Variants in KCNQ5 observed in about 807,000 individuals in gnomAD.
KCNQ5 encodes potassium voltage-gated channel subfamily Q member 5.
In KCNQ5, 30 loss-of-function variants were observed where a neutral mutation model predicts 98.2. The observed-to-expected ratio is 0.31, with a 90% confidence interval of 0.23 to 0.41. KCNQ5 has a LOEUF of 0.41. Among genes scored for constraint, KCNQ5 ranks in the 10% least tolerant of loss-of-function variants. The pLI, the probability that KCNQ5 is intolerant of heterozygous loss-of-function variation, is 1.00. For missense variants in KCNQ5, 835 were observed against 1,182.5 expected (o/e 0.71, Z 4.31); for synonymous variants, 458 against 449.4 (o/e 1.02, Z -0.24).
intron 1 of KCNQ5, among the ~76,000 whole-genome samples, chr6:72,875,694 T>G (rs1020930661): frequency 6.6e-6 from 1 of 152,180 alleles, no homozygotes; most frequent in Non-Finnish European, 1.5e-5. Flanking sequence ...ATTTCACTAT[T>G]TCTATTGGTC....
chr6:72,798,128 A>G (rs1774438417), intron 1 of KCNQ5, among the ~76,000 whole-genome samples: 1 of 152,224 alleles, frequency 6.6e-6, no homozygotes, highest in South Asian at 2.1e-4. Context: ...GAACACAGTC[A>G]CTATGAGATT....
chr6:73,167,427 C>A (rs1051973620), intron 10 of KCNQ5, among the ~76,000 whole-genome samples: 1 of 152,190 alleles, frequency 6.6e-6, no homozygotes, highest in African/African-American at 2.4e-5. Context: ...TTTGGAGCCT[C>A]AGGGAACTGG....
intron 2 of KCNQ5, among the ~76,000 whole-genome samples, chr6:73,040,114 G>T (rs1421480879): frequency 6.6e-6 from 1 of 152,142 alleles, no homozygotes; most frequent in African/African-American, 2.4e-5. Flanking sequence ...TACTGCAGCA[G>T]AGGAATAGTG....
At chr6:73,036,338 A>C (rs1233715414) in intron 2 of KCNQ5, among the ~76,000 whole-genome samples, 12 of 147,256 alleles carry the variant, frequency 8.1e-5, no homozygotes, top group African/African-American at 3.1e-4. Flanking sequence ...GTGAGCCGAG[A>C]TCGCACCACT....
chr6:72,676,090 G>A (rs12210850), intron 1 of KCNQ5, among the ~76,000 whole-genome samples: 26,634 of 152,028 alleles, frequency 0.18, 2,470 homozygotes, highest in Middle Eastern at 0.28. Flanking sequence ...GACTTTTGAG[G>A]TTACAAAAGC....
chr6:72,796,274 A>G (rs576888324), intron 1 of KCNQ5, among the ~76,000 whole-genome samples: 1 of 152,282 alleles, frequency 6.6e-6, no homozygotes, highest in African/African-American at 2.4e-5. Context: ...ACCCAAACTA[A>G]TAATCTCCCA....
intron 1 of KCNQ5, among the ~76,000 whole-genome samples, chr6:72,928,832 G>T (rs1005539061): frequency 1.3e-5 from 2 of 152,094 alleles, no homozygotes; most frequent in Non-Finnish European, 2.9e-5. Flanking sequence ...CTCTGCAGGT[G>T]CCCATAAGCT....
At chr6:73,111,765 T>A (rs1775250966) in intron 7 of KCNQ5, among the ~76,000 whole-genome samples, 1 of 152,196 alleles carries the variant, frequency 6.6e-6, no homozygotes, top group Non-Finnish European at 1.5e-5. Context: ...CAGGGCATTG[T>A]TCCCTGCATT....
At chr6:72,676,181 G>A (rs1363764182) in intron 1 of KCNQ5, among the ~76,000 whole-genome samples, 1 of 152,138 alleles carries the variant, frequency 6.6e-6, no homozygotes, top group Non-Finnish European at 1.5e-5. Context: ...AAAAGACTGG[G>A]TATTCTCTAC....
At chr6:73,006,727 C>A (rs979643677) in intron 2 of KCNQ5, among the ~76,000 whole-genome samples, 2 of 152,184 alleles carry the variant, frequency 1.3e-5, no homozygotes, top group Admixed American at 1.3e-4. Flanking sequence ...TTCGTGTACA[C>A]TGTTGATGTA....
chr6:72,694,524 A>T (rs1457138674), intron 1 of KCNQ5, among the ~76,000 whole-genome samples: 1 of 152,116 alleles, frequency 6.6e-6, no homozygotes, highest in Non-Finnish European at 1.5e-5. Context: ...GGCCCATATA[A>T]ACTCTATAGC....
At chr6:73,052,284 GGAGA>G (rs1772280026) in intron 3 of KCNQ5, among the ~76,000 whole-genome samples, 1 of 152,132 alleles carries the variant, frequency 6.6e-6, no homozygotes, top group African/African-American at 2.4e-5. Context: ...TGAAAGAGAG[GGAGA>G]GAAAGCAAGC....
At chr6:72,847,369 C>T in intron 1 of KCNQ5, among the ~76,000 whole-genome samples, 1 of 152,156 alleles carries the variant, frequency 6.6e-6, no homozygotes, top group East Asian at 1.9e-4. Context: ...CCTTGTTGTT[C>T]AGGCTGGTCT....
chr6:72,890,779 C>T (rs1779028251), intron 1 of KCNQ5, among the ~76,000 whole-genome samples: 1 of 152,194 alleles, frequency 6.6e-6, no homozygotes, highest in South Asian at 2.1e-4. Context: ...ATCACATAAG[C>T]ATATCATATC....
intron 10 of KCNQ5, among the ~76,000 whole-genome samples, chr6:73,137,480 G>T (rs1312678595): frequency 1.3e-5 from 2 of 152,098 alleles, no homozygotes; most frequent in East Asian, 3.8e-4. Flanking sequence ...ATAAAAGATA[G>T]AAATACTCTA....
At chr6:72,759,968 G>A (rs1024857723) in intron 1 of KCNQ5, among the ~76,000 whole-genome samples, 1 of 152,032 alleles carries the variant, frequency 6.6e-6, no homozygotes, top group South Asian at 2.1e-4. Flanking sequence ...GATAAGATGT[G>A]CAAATGAGAC....
At chr6:73,122,009 T>C (rs185440906) in intron 8 of KCNQ5, among the ~76,000 whole-genome samples, 1 of 152,346 alleles carries the variant, frequency 6.6e-6, no homozygotes, top group Admixed American at 6.5e-5. Flanking sequence ...TGCTGTTGAA[T>C]GCATGTTTGG....
At chr6:73,066,619 C>T (rs958200207) in intron 3 of KCNQ5, among the ~76,000 whole-genome samples, 2 of 152,170 alleles carry the variant, frequency 1.3e-5, no homozygotes, top group Non-Finnish European at 2.9e-5. Context: ...AAAAAATGTA[C>T]CACTTAGAAT....
Position 72,622,546 on chromosome 6 carries a change from G to T in KCNQ5, c.357G>T (p.Leu119=). 1 of 1,612,472 alleles carries T rather than the reference G, an allele frequency of 6.2e-7. No individual in the cohort carries two copies. Among genetic ancestry groups the T allele is most frequent in the Non-Finnish European group, 8.5e-7 (1 of 1,179,556 alleles). ...TGCAGAACTACCTGTACAACGTGCTGGAGAGACCCCGCGGCTGGGCGTTCA... is the reference window on the plus strand; with the variant it reads ...TGCAGAACTACCTGTACAACGTGCTTGAGAGACCCCGCGGCTGGGCGTTCA... The part of the protein sequence containing the change: ...RRVQNYLYNV[L]ERPRGWAFIY... Residue 119 remains leucine (L), a synonymous_variant, in exon 1 of 14, where the codon CTG becomes CTT. Transcript: ENST00000370398. This position sits in a 1 kb window ranked among gnomAD's most constrained non-coding sequence, Gnocchi z 6.0.
Sources: allele counts gnomAD v4.1 joint callset (sites outside exome capture counted in the v4.1 genomes callset), GRCh38; gene constraint gnomAD v4.1.1; non-coding constraint Gnocchi (gnomAD v3.1); transcripts MANE v1.5; gene names NCBI Gene and HGNC (gene_info 2026-07-23, HGNC 2026-07-21).